The following PDZD2 variants were observed in gnomAD, a reference collection of about 807,000 sequenced individuals.
PDZD2 encodes the protein PDZ domain containing 2.
Under a neutral mutation model 220.7 loss-of-function variants are expected in PDZD2, and 90 were observed. The ratio of observed to expected loss-of-function variants is 0.41; its 90% confidence interval spans 0.34 to 0.49. PDZD2 has a LOEUF of 0.49. PDZD2 is among the 20% of genes least tolerant of loss of function. The pLI, the probability that PDZD2 is intolerant of heterozygous loss-of-function variation, is 0.28. For missense variants in PDZD2, 3,174 were observed against 3,608.5 expected (o/e 0.88, Z 3.08); for synonymous variants, 1,375 against 1,450.5 (o/e 0.95, Z 1.18).
chr5:32,025,247 C>G (rs769737230), intron 6 of PDZD2, among the ~76,000 whole-genome samples: 2 of 152,090 alleles, frequency 1.3e-5, no homozygotes, highest in African/African-American at 4.8e-5. Flanking sequence ...GAGCCCTGGC[C>G]GGGTGCGGTG....
At chr5:31,813,287 A>G (rs1434685958) in intron 2 of PDZD2, among the ~76,000 whole-genome samples, 1 of 151,964 alleles carries the variant, frequency 6.6e-6, no homozygotes, top group East Asian at 1.9e-4. Context: ...CGTCTCTACT[A>G]AAAATACAAA....
rs1752422547 is a variant in PDZD2 at position 31,772,995 on chromosome 5, G to A, written c.-360-25894G>A. Among the ~76,000 whole-genome samples, 3 of 152,320 alleles carry A rather than the reference G, an allele frequency of 2.0e-5. No individual in the cohort carries two copies. In the South Asian group the frequency reaches 6.2e-4, roughly 32 times the overall value. On this transcript the variant is annotated intron_variant, in intron 1 of 24. Coordinates refer to ENST00000438447, the MANE Select transcript of PDZD2 (RefSeq NM_178140.4). ...CCTGTCCCGGCTTTCTCATGTTCAT[G>A]TGAGACAGAGGACTTTGGAGGCAAC... is the stretch of plus-strand genomic sequence containing the variant.
At chr5:32,047,838 TA>T (rs1738129437) in intron 7 of PDZD2, among the ~76,000 whole-genome samples, 1 of 152,240 alleles carries the variant, frequency 6.6e-6, no homozygotes, top group Non-Finnish European at 1.5e-5. Flanking sequence ...TTGAATCTCA[TA>T]AACAAATGCT....
intron 2 of PDZD2, among the ~76,000 whole-genome samples, chr5:31,948,612 T>C (rs1220320201): frequency 2.0e-5 from 3 of 152,152 alleles, no homozygotes; most frequent in African/African-American, 7.2e-5. Context: ...ACATACAGAT[T>C]TGCAGACATA....
chr5:31,815,885 T>C (rs975516837), intron 2 of PDZD2, among the ~76,000 whole-genome samples: 2 of 152,184 alleles, frequency 1.3e-5, no homozygotes, highest in Non-Finnish European at 2.9e-5. Flanking sequence ...TATTCAGCCA[T>C]TTCATCCTCT....
At chr5:31,707,412 A>G (rs1267337273) in intron 1 of PDZD2, among the ~76,000 whole-genome samples, 3 of 152,206 alleles carry the variant, frequency 2.0e-5, no homozygotes, top group Admixed American at 6.5e-5. Context: ...GCTCACGCAC[A>G]GAAGAAAGGC....
chr5:31,929,585 C>G lies in PDZD2; in HGVS notation c.477-53570C>G, dbSNP rs140904915. Among the ~76,000 whole-genome samples, 1,345 of 152,338 alleles carry G rather than the reference C, an allele frequency of 8.8e-3. 24 individuals carry two copies. The highest frequency in any genetic ancestry group is 0.031 in the African/African-American group (1,297 of 41,582). ...CAGTGGAAGGCCAGGCGCAGTGGCT[C>G]ACGCCTGTAATCCCAGCACTTTGGG... On this transcript the variant is annotated intron_variant, in intron 2 of 24. Transcript: ENST00000438447.
chr5:32,079,981 CA>C (rs1741753630), intron 19 of PDZD2, among the ~76,000 whole-genome samples: 1 of 152,186 alleles, frequency 6.6e-6, no homozygotes, highest in Non-Finnish European at 1.5e-5. Flanking sequence ...TTCGGGTTCA[CA>C]TTCACTTGCT....
intron 1 of PDZD2, among the ~76,000 whole-genome samples, chr5:31,773,093 C>T (rs1752426013): frequency 6.6e-6 from 1 of 152,120 alleles, no homozygotes; most frequent in Non-Finnish European, 1.5e-5. Flanking sequence ...GTCTGTAACA[C>T]CAACATTCAC....
intron 2 of PDZD2, among the ~76,000 whole-genome samples, chr5:31,860,842 A>G (rs959485918): frequency 7.2e-5 from 11 of 152,152 alleles, no homozygotes; most frequent in African/African-American, 2.4e-4. Context: ...GGATAACTGT[A>G]CAGCACATTA....
rs1482745725 is a variant in PDZD2 at position 32,089,260 on chromosome 5, G to T, written c.5812G>T (p.Ala1938Ser). ...GGCAGTGTCACAGCGGCTCCATGTA[G>T]CCGACCACGAGGACCCTGACAGAAA... is the stretch of plus-strand genomic sequence containing the variant. ...SKAVSQRLHV[A>S]DHEDPDRNTT... is the part of the protein sequence containing the mutation. Residue 1938 changes from alanine (A) to serine (S), a missense_variant, in exon 20 of 25, where the codon GCC becomes TCC. Physicochemically the swap from Ala to Ser is moderately conservative, Grantham distance 99. Coordinates refer to ENST00000438447, the MANE Select transcript of PDZD2 (RefSeq NM_178140.4). 2 of 1,614,162 alleles carry T rather than the reference G, an allele frequency of 1.2e-6. No homozygotes were observed. The highest frequency in any genetic ancestry group is 2.7e-5 in the African/African-American group (2 of 75,024).
At chr5:31,643,732 C>T (rs1745031450) in intron 1 of PDZD2, among the ~76,000 whole-genome samples, 2 of 152,116 alleles carry the variant, frequency 1.3e-5, no homozygotes, top group African/African-American at 2.4e-5. Context: ...AACAGTCTCA[C>T]TTATTAGTGA....
At chr5:31,861,283 C>T (rs751675961) in intron 2 of PDZD2, among the ~76,000 whole-genome samples, 7 of 152,130 alleles carry the variant, frequency 4.6e-5, no homozygotes, top group Non-Finnish European at 8.8e-5. Flanking sequence ...AATTTTCTCC[C>T]TGTTTAAGCC....
chr5:31,685,557 T>C (rs988386887), intron 1 of PDZD2, among the ~76,000 whole-genome samples: 1 of 152,180 alleles, frequency 6.6e-6, no homozygotes, highest in African/African-American at 2.4e-5. Flanking sequence ...AGGGTCTTAC[T>C]CTGTCGCCCA....
intron 1 of PDZD2, among the ~76,000 whole-genome samples, chr5:31,695,559 G>C (rs1196306835): frequency 6.6e-6 from 1 of 152,150 alleles, no homozygotes; most frequent in Non-Finnish European, 1.5e-5. Context: ...TTTGTCAAAA[G>C]CTGCATTGAA....
At chr5:31,932,828 T>C (rs1745409782) in intron 2 of PDZD2, among the ~76,000 whole-genome samples, 1 of 152,106 alleles carries the variant, frequency 6.6e-6, no homozygotes, top group African/African-American at 2.4e-5. Context: ...AATTTTACTA[T>C]TCTGAGTGCC....
At chr5:32,091,712 C>G (rs898416823) in intron 20 of PDZD2, among the ~76,000 whole-genome samples, 3 of 152,172 alleles carry the variant, frequency 2.0e-5, no homozygotes, top group Admixed American at 1.3e-4. Flanking sequence ...ATAAATTCTG[C>G]TAATATCGTT....
At chr5:31,697,544 A>T (rs908794685) in intron 1 of PDZD2, among the ~76,000 whole-genome samples, 2 of 152,238 alleles carry the variant, frequency 1.3e-5, no homozygotes, top group African/African-American at 2.4e-5. Context: ...GCCCCTGGAG[A>T]TAACCACTTA....
chr5:31,829,599 G>A (rs1290077264), intron 2 of PDZD2, among the ~76,000 whole-genome samples: 2 of 151,976 alleles, frequency 1.3e-5, no homozygotes, highest in African/African-American at 4.8e-5. Flanking sequence ...TTACAGGCAT[G>A]AACCACCACA....
Sources: gnomAD v4.1 joint callset for allele counts (sites outside exome capture counted in the v4.1 genomes callset) on GRCh38, gnomAD v4.1.1 for gene constraint, MANE v1.5 for transcripts, NCBI Gene and HGNC (gene_info 2026-07-23, HGNC 2026-07-21) for gene names.